Variants in CCNH observed in about 807,000 individuals in gnomAD.
The protein encoded by CCNH is cyclin H, also known as cyclin-H.
In CCNH, 31 loss-of-function variants were observed where a neutral mutation model predicts 41.9. That is an observed-to-expected ratio of 0.74 (90% CI 0.56 to 1.00). CCNH has a LOEUF of 1.00. Among genes scored for constraint, CCNH ranks in the 50% least tolerant of loss-of-function variants. CCNH has a pLI of 0.00. For synonymous variants in CCNH, 138 were observed against 136.1 expected (o/e 1.01, Z -0.10); for missense variants, 362 against 388.4 (o/e 0.93, Z 0.57).
chr5:87,381,495 CAACCATT>C (rs1761714604), upstream of CCNH, among the ~76,000 whole-genome samples: 1 of 152,156 alleles, frequency 6.6e-6, no homozygotes, highest in Admixed American at 6.5e-5. Flanking sequence ...AATAATTAGG[CAACCATT>C]AACACCATTA....
intron 9 of CCNH, among the ~76,000 whole-genome samples, chr5:87,323,374 A>G (rs1289767426): frequency 2.0e-5 from 3 of 152,218 alleles, no homozygotes; most frequent in African/African-American, 7.2e-5. Flanking sequence ...AAGCCTATGT[A>G]TAGTAGAAAA....
downstream of CCNH, chr5:87,394,160 AAGCAT>A (rs1378197054): frequency 2.5e-6 from 2 of 789,834 alleles, no homozygotes; most frequent in East Asian, 1.2e-4. Flanking sequence ...TTTTTAAAAA[AAGCAT>A]AGGTTTGCCT....
chr5:87,394,610 A>G, intron 8 of CCNH, 126 bp from the exon 9 acceptor site: 1 of 1,502,910 alleles, frequency 6.7e-7, no homozygotes, highest in South Asian at 1.4e-5. Flanking sequence ...ATAAACCAGG[A>G]AATTTTGTAA....
chr5:87,356,936 G>A (rs1481608580), intron 9 of CCNH, among the ~76,000 whole-genome samples: 6 of 152,034 alleles, frequency 3.9e-5, no homozygotes, highest in African/African-American at 1.4e-4. Context: ...ATTTTTGTTT[G>A]CATTGTTTTT....
chr5:87,325,868 A>C (rs1757194227), intron 9 of CCNH, among the ~76,000 whole-genome samples: 1 of 152,178 alleles, frequency 6.6e-6, no homozygotes. Flanking sequence ...CTCATTGCAC[A>C]AATTTCCATA....
At chr5:87,321,227 A>C (rs1231910243) in intron 9 of CCNH, among the ~76,000 whole-genome samples, 2 of 151,718 alleles carry the variant, frequency 1.3e-5, no homozygotes, top group Non-Finnish European at 2.9e-5. Context: ...TTTAGGAAAA[A>C]CTCCCAAATT....
At chr5:87,372,005 T>C (rs1237649423), downstream of CCNH, 1 of 735,676 alleles carries the variant, frequency 1.4e-6, no homozygotes, top group Non-Finnish European at 2.3e-6. Context: ...AGAATAGAAA[T>C]GGCAGTCTAG....
In CCNH at chr5:87,395,124, A is replaced by G; in HGVS notation, c.873-20T>C. 2 of 1,603,418 alleles carry G rather than the reference A, an allele frequency of 1.2e-6. No homozygotes were observed. The highest frequency in any genetic ancestry group is 1.7e-6 in the Non-Finnish European group (2 of 1,173,402). On this transcript the variant is annotated intron_variant, in intron 7 of 8. Transcript: ENST00000256897. ...TTCTTCCTATAATTAAGCAACTATC[A>G]ATAAGCAATCCAATACCAGCCACAG...
downstream of CCNH, among the ~76,000 whole-genome samples, chr5:87,373,674 G>C (rs1164991890): frequency 6.6e-6 from 1 of 152,066 alleles, no homozygotes; most frequent in East Asian, 1.9e-4. Context: ...AGTTTCTTTA[G>C]GTTTGTATCC....
At chr5:87,385,218 A>G (rs1391212786) in intron 9 of CCNH, 1 of 899,176 alleles carries the variant, frequency 1.1e-6, no homozygotes, top group African/African-American at 1.6e-5. Context: ...CAGTAAAGAA[A>G]TATTAAAGTG....
chr5:87,401,764 GATAA>G lies in CCNH; in HGVS notation c.694_697del (p.Leu232GlnfsTer4), dbSNP rs768585153. ...GTTCTCTTTCAGCATCAGACTCTCT[GATAA>G]ATAACTAGTAAAGAAAAGAAAAAAA... On this transcript the variant is annotated frameshift_variant, in exon 6 of 9. Coordinates refer to ENST00000256897, the MANE Select transcript of CCNH (RefSeq NM_001239.4). LOFTEE classifies it high-confidence loss of function. 6.4e-6 allele frequency: 10 copies of G among 1,568,334 alleles called. No individual in the cohort carries two copies. Among genetic ancestry groups the G allele is most frequent in the South Asian group, 1.2e-5 (1 of 84,866 alleles).
At chr5:87,352,303 TAC>T (rs142667821) in intron 9 of CCNH, among the ~76,000 whole-genome samples, 5 of 149,976 alleles carry the variant, frequency 3.3e-5, no homozygotes, top group Admixed American at 6.7e-5. Flanking sequence ...TACTTGAAGA[TAC>T]ACACACACAC....
intron 1 of CCNH, among the ~76,000 whole-genome samples, 167 bp from the exon 2 acceptor site, chr5:87,411,513 G>A (rs1422936058): frequency 2.0e-5 from 3 of 152,106 alleles, no homozygotes; most frequent in African/African-American, 7.2e-5. Context: ...AATAGCTGTA[G>A]GAAAATATTT....
rs1023908083 is a variant in CCNH, at chr5:87,336,532, TA to T, written c.*91-17636del. Among the ~76,000 whole-genome samples the T allele has an allele frequency of 4.5e-4, 68 of 152,222 alleles. 1 individual carries two copies. Among genetic ancestry groups the T allele is most frequent in the African/African-American group, 1.4e-3 (59 of 41,588 alleles). The stretch of plus-strand genomic sequence containing the variant: ...TTTAATAAAGCACTTTAGCCTGTTT[TA>T]GGGGGGATAACACAAAATAATATAG... On this transcript the variant is annotated intron_variant and NMD_transcript_variant, in intron 9 of 9. Transcript: ENST00000645953.
In CCNH at chr5:87,399,413, G is replaced by A; in HGVS notation, c.853C>T (p.Leu285Phe). ...ACTTACGTGATTACGTTAAGTGCAA[G>A]CTCAGCAGAATGACATCGCTCCAAC... is the stretch of plus-strand genomic sequence containing the variant. ...QKLERCHSAE[L>F]ALNVITKKRK... The change falls in exon 7 of 9, where the codon CTT becomes TTT. Residue 285 changes from leucine to phenylalanine, a missense_variant. Leu to Phe is a conservative substitution (Grantham distance 22). Coordinates refer to ENST00000256897, the MANE Select transcript of CCNH (RefSeq NM_001239.4). The A allele has an allele frequency of 6.2e-7, 1 of 1,612,694 alleles. No individual in the cohort carries two copies. Among genetic ancestry groups the A allele is most frequent in the African/African-American group, 1.3e-5 (1 of 75,022 alleles).
chr5:87,327,526 T>C (rs942202347), intron 9 of CCNH, among the ~76,000 whole-genome samples: 1 of 152,214 alleles, frequency 6.6e-6, no homozygotes, highest in African/African-American at 2.4e-5. Context: ...GGCATTGCCA[T>C]AGATTGGAGG....
chr5:87,403,228 GAAA>G (rs72291520), intron 5 of CCNH, among the ~76,000 whole-genome samples: 3 of 124,456 alleles, frequency 2.4e-5, no homozygotes, highest in Non-Finnish European at 3.4e-5. Flanking sequence ...TTCCCTAAAG[GAAA>G]AAAAAAAAAA....
chr5:87,334,184 A>C (rs115338759), intron 9 of CCNH, among the ~76,000 whole-genome samples: 1 of 152,174 alleles, frequency 6.6e-6, no homozygotes, highest in Non-Finnish European at 1.5e-5. Flanking sequence ...TGAAAACCCA[A>C]GAAAGCCAGT....
At chr5:87,348,725 C>T (rs981666981) in intron 9 of CCNH, among the ~76,000 whole-genome samples, 3 of 151,412 alleles carry the variant, frequency 2.0e-5, no homozygotes, top group African/African-American at 7.3e-5. Context: ...TCCTGGATAG[C>T]TGGGATTATA....
Sources: gnomAD v4.1 joint callset for allele counts (sites outside exome capture counted in the v4.1 genomes callset) on GRCh38, gnomAD v4.1.1 for gene constraint, MANE v1.5 for transcripts, NCBI Gene and HGNC (gene_info 2026-07-23, HGNC 2026-07-21) for gene names.